OR1S1: variants seen among roughly 807,000 people sequenced by gnomAD.
The protein encoded by OR1S1 is olfactory receptor family 1 subfamily S member 1.
For synonymous variants in OR1S1, 156 were observed against 143.9 expected (o/e 1.08, Z -0.60); for missense variants, 411 against 367.5 (o/e 1.12, Z -0.97).
chr11:58,214,441 G>A (rs1852890981), intron 1 of OR1S1, among the ~76,000 whole-genome samples: 1 of 152,202 alleles, frequency 6.6e-6, no homozygotes, highest in African/African-American at 2.4e-5. Flanking sequence ...TTCTGCAGGT[G>A]TATATAACAT....
rs748793931 is a variant in OR1S1, at chr11:58,215,644, C to T, written c.861C>T (p.Pro287=). ...CTGTGGTGACACCCATGATAAACCC[C>T]TTCATCTACAGCTTGAGGAATAAGG... The change falls in exon 2 of 2, where the codon CCC becomes CCT. Residue 287 remains proline, a synonymous_variant. Transcript: ENST00000641544. The T allele has an allele frequency of 1.1e-5, 17 of 1,613,936 alleles. No homozygotes were observed. The South Asian group carries it at 1.9e-4, about 18-fold the overall frequency.
exon 2 of OR1S1, chr11:58,215,175 A>G: frequency 1.2e-6 from 2 of 1,614,090 alleles, no homozygotes; most frequent in Non-Finnish European, 1.7e-6. Flanking sequence ...CACCCTCTGA[A>G]TTATACAATT....
exon 2 of OR1S1, chr11:58,215,326 G>A: frequency 1.2e-6 from 2 of 1,613,398 alleles, no homozygotes; most frequent in Non-Finnish European, 1.7e-6. Context: ...TCTGTGACTT[G>A]GCCCCTCTGC....
chr11:58,215,947 A>T, exon 2 of OR1S1: 1 of 536,548 alleles, frequency 1.9e-6, no homozygotes, highest in South Asian at 2.9e-5. Context: ...CTTAGAGAGT[A>T]GATTGGTGGT....
Position 58,214,725 on chromosome 11 carries a change from T to A in OR1S1, c.-55-4T>A. Reference sequence around the variant, plus strand: ...ATGGCTGCAGCCAAATGATACCATGTTAGGTTTTCTTGTAGGAATATGAAG... The same window carrying A: ...ATGGCTGCAGCCAAATGATACCATGATAGGTTTTCTTGTAGGAATATGAAG... On this transcript the variant is annotated splice_polypyrimidine_tract_variant and splice_region_variant and intron_variant, in intron 1 of 1. Coordinates refer to ENST00000641544, the Ensembl canonical transcript of OR1S1. 1 of 1,607,328 alleles carries A rather than the reference T, an allele frequency of 6.2e-7. No homozygotes were observed. The highest frequency in any genetic ancestry group is 8.5e-7 in the Non-Finnish European group (1 of 1,175,508).
exon 2 of OR1S1, chr11:58,215,323 C>T (rs1852921064): frequency 3.1e-6 from 5 of 1,613,670 alleles, no homozygotes; most frequent in Non-Finnish European, 3.4e-6. Context: ...TCTTCTGTGA[C>T]TTGGCCCCTC....
chr11:58,215,087 T>A lies in OR1S1; in HGVS notation c.304T>A (p.Tyr102Asn), dbSNP rs146969930. The A allele has an allele frequency of 6.5e-4, 1,046 of 1,614,200 alleles. 2 individuals are homozygous for A. The highest frequency in any genetic ancestry group is 4.5e-3 in the Middle Eastern group (27 of 6,062). Reference sequence around the variant, plus strand: ...TTATGAGAGCTGCATCACACAGATGTACTTTTCTATTGTGTTTGTCGTCAT... The same window carrying A: ...TTATGAGAGCTGCATCACACAGATGAACTTTTCTATTGTGTTTGTCGTCAT... The change falls in exon 2 of 2, where the codon TAC (tyrosine) becomes AAC (asparagine). Residue 102 changes from tyrosine (Y) to asparagine (N), a missense_variant. Physicochemically the swap from Tyr to Asn is moderately radical, Grantham distance 143. Transcript: ENST00000641544.
intron 1 of OR1S1, among the ~76,000 whole-genome samples, chr11:58,213,131 C>T (rs1048220412): frequency 3.0e-4 from 46 of 152,222 alleles, no homozygotes; most frequent in Admixed American, 2.6e-3. Flanking sequence ...ATTTCAGAGA[C>T]GAAGATTGTC....
intron 1 of OR1S1, among the ~76,000 whole-genome samples, chr11:58,213,903 T>C (rs1439278381): frequency 1.3e-5 from 2 of 152,198 alleles, no homozygotes; most frequent in East Asian, 1.9e-4. Context: ...TCTGCCCTGA[T>C]AGGCTGTTTC....
rs1415333507 is a variant in OR1S1, at chr11:58,213,791, T to C, written c.-55-938T>C. 2.0e-5 allele frequency among the ~76,000 whole-genome samples: 3 copies of C among 152,160 alleles called. No homozygotes were observed. The East Asian group carries it at 5.8e-4, about 29-fold the overall frequency. Reference sequence around the variant, plus strand: ...GGGCTCCCGTTTGGGACTGCCTCATTATGCGGTTCCCTGACAAGGGCAATG... The same window carrying C: ...GGGCTCCCGTTTGGGACTGCCTCATCATGCGGTTCCCTGACAAGGGCAATG... On this transcript the variant is annotated intron_variant, in intron 1 of 1. Transcript: ENST00000641544.
exon 2 of OR1S1, chr11:58,216,075 C>A: frequency 4.7e-6 from 1 of 214,614 alleles, no homozygotes; most frequent in Non-Finnish European, 9.4e-6. Context: ...ATTAGGGGGA[C>A]TATAGTAAAC....
rs775444680 is a variant in OR1S1, at chr11:58,215,511, C to G, written c.728C>G (p.Ser243Cys). The stretch of plus-strand genomic sequence containing the variant: ...TGGAAAGCCTTCTCCACTTGTGGCT[C>G]TCACCTGACAGTTGTATTACTGTTC... Residue 243 changes from serine to cysteine, a missense_variant, in exon 2 of 2, where the codon TCT (serine) becomes TGT (cysteine). Ser to Cys is a moderately radical substitution (Grantham distance 112). Coordinates refer to ENST00000641544, the Ensembl canonical transcript of OR1S1. 8.7e-6 allele frequency: 14 copies of G among 1,614,162 alleles called. No homozygotes were observed. The East Asian group carries it at 2.0e-4, about 23-fold the overall frequency.
chr11:58,215,443 C>G (rs1323896886), exon 2 of OR1S1: 1 of 1,614,050 alleles, frequency 6.2e-7, no homozygotes, highest in Non-Finnish European at 8.5e-7. Context: ...CCTATGTCTG[C>G]ATCATCAGAG....
chr11:58,214,857 ACCT>A, exon 2 of OR1S1: 2 of 1,613,518 alleles, frequency 1.2e-6, no homozygotes, highest in Non-Finnish European at 1.7e-6. Context: ...GAGCATCAAA[ACCT>A]CCTCTTTGTG....
At chr11:58,214,840 G>A in exon 2 of OR1S1, 1 of 1,613,860 alleles carries the variant, frequency 6.2e-7, no homozygotes, top group Non-Finnish European at 8.5e-7. Flanking sequence ...GATTTTTCAA[G>A]CAGGATGAGC....
At chr11:58,215,171 C>T (rs1235574980) in exon 2 of OR1S1, 2 of 1,614,152 alleles carry the variant, frequency 1.2e-6, no homozygotes, top group Non-Finnish European at 1.7e-6. Context: ...CTGCCACCCT[C>T]TGAATTATAC....
At chr11:58,214,158 A>T (rs1852878572) in intron 1 of OR1S1, among the ~76,000 whole-genome samples, 1 of 152,032 alleles carries the variant, frequency 6.6e-6, no homozygotes, top group Non-Finnish European at 1.5e-5. Context: ...TGCCCCCTAA[A>T]TTTTCTTGAG....
Position 58,214,942 on chromosome 11 carries a change from G to A in OR1S1, c.159G>A (p.Thr53=), listed in dbSNP as rs111386724. 1.8e-3 allele frequency: 2,832 copies of A among 1,613,644 alleles called. 2 individuals are homozygous for A. Among genetic ancestry groups the A allele is most frequent in the Non-Finnish European group, 2.2e-3 (2,599 of 1,179,726 alleles). Residue 53 remains threonine, a synonymous_variant, in exon 2 of 2, where the codon ACG becomes ACA. Transcript: ENST00000641544. The stretch of plus-strand genomic sequence containing the variant: ...TCATTGTGGCTATCAGCTTGGATAC[G>A]TACCTTCATACCCCCATGTATCTCT...
At chr11:58,215,018 C>T in exon 2 of OR1S1, 1 of 1,614,112 alleles carries the variant, frequency 6.2e-7, no homozygotes, top group Non-Finnish European at 8.5e-7. Context: ...CAACTCAGTC[C>T]CCAAAATGCT....
Sources: gnomAD v4.1 joint callset for allele counts (sites outside exome capture counted in the v4.1 genomes callset) on GRCh38, gnomAD v4.1.1 for gene constraint, MANE v1.5 for transcripts, NCBI Gene and HGNC (gene_info 2026-07-23, HGNC 2026-07-21) for gene names.